ME1: variants seen among roughly 807,000 people sequenced by gnomAD.
ME1 encodes the protein NADP-dependent malic enzyme.
ME1 carries 74 observed loss-of-function variants against 66.4 expected under a neutral mutation model. The observed-to-expected ratio is 1.11, with a 90% CI of 0.92 to 1.35. The LOEUF is 1.35. ME1 is among the 40% of genes most tolerant of loss of function. The pLI is 0.00. For synonymous variants in ME1, 251 were observed against 235.6 expected, an observed-to-expected ratio of 1.07 and a Z score of -0.60; for missense variants, 750 against 694.1, an observed-to-expected ratio of 1.08 and a Z score of -0.90.
chr6:83,401,860 G>C (rs964305496), intron 2 of ME1, among the ~76,000 whole-genome samples: 2 of 152,150 alleles, frequency 1.3e-5, no homozygotes, highest in African/African-American at 4.8e-5. Flanking sequence ...CTAGCTACCT[G>C]GTGGCAAGTT....
At chr6:83,252,994 T>C (rs1790749331) in intron 7 of ME1, among the ~76,000 whole-genome samples, 1 of 152,160 alleles carries the variant, frequency 6.6e-6, no homozygotes, top group African/African-American at 2.4e-5. Context: ...TGCAATCTCA[T>C]TTCAAGTTGC....
intron 6 of ME1, among the ~76,000 whole-genome samples, chr6:83,289,869 A>G (rs1767468436): frequency 1.3e-5 from 2 of 152,276 alleles, no homozygotes; most frequent in Non-Finnish European, 2.9e-5. Flanking sequence ...GGGAGGTTGT[A>G]TGTGTCCAGG....
At chr6:83,404,473 T>G (rs1223426960) in intron 2 of ME1, among the ~76,000 whole-genome samples, 1 of 152,202 alleles carries the variant, frequency 6.6e-6, no homozygotes, top group Non-Finnish European at 1.5e-5. Flanking sequence ...CGATGATAGT[T>G]TCTTTTGCTG....
intron 3 of ME1, chr6:83,393,177 A>G (rs1769658330): frequency 8.1e-7 from 1 of 1,236,890 alleles, no homozygotes; most frequent in Non-Finnish European, 1.2e-6. Flanking sequence ...TGATGACACC[A>G]AGAAGGTGGT....
At chr6:83,245,295 A>C (rs1253053222) in intron 7 of ME1, among the ~76,000 whole-genome samples, 4 of 152,218 alleles carry the variant, frequency 2.6e-5, no homozygotes, top group Non-Finnish European at 5.9e-5. Context: ...ATGGTCATAG[A>C]CTAAAGGGAA....
intron 1 of ME1, among the ~76,000 whole-genome samples, chr6:83,420,979 A>G (rs1055630251): frequency 1.3e-5 from 2 of 151,888 alleles, no homozygotes; most frequent in African/African-American, 2.4e-5. Context: ...ATAGGCACAA[A>G]AGAAGGGGAA....
intron 5 of ME1, among the ~76,000 whole-genome samples, chr6:83,342,667 G>A (rs372156244): frequency 4.6e-5 from 7 of 152,192 alleles, no homozygotes; most frequent in East Asian, 3.9e-4. Context: ...TATTTAGGGA[G>A]TCCATCATCT....
At position 83,357,902 on chromosome 6, in the gene ME1, C is replaced by CTCTCTCTCT. The variant is rs1768921889; in HGVS notation, c.363-5764_363-5763insAGAGAGAGA. 8.6e-4 allele frequency among the ~76,000 whole-genome samples: 27 copies of CTCTCTCTCT among 31,558 alleles called. 3 individuals are homozygous for CTCTCTCTCT. Among genetic ancestry groups the CTCTCTCTCT allele is most frequent in the Admixed American group, 2.2e-3 (4 of 1,852 alleles). 20.7% of individuals were successfully genotyped at this position (31,558 alleles called of 152,430 possible). ...TGTTAGTTAATACTTAATAAACTCCCCTCTCTCTCTCTCTCTCTCTCTCTC... is the reference window on the plus strand; with the variant it reads ...TGTTAGTTAATACTTAATAAACTCCCTCTCTCTCTCTCTCTCTCTCTCTCTCTCTCTCTC... On this transcript the variant is annotated intron_variant, in intron 3 of 13. Coordinates refer to ENST00000369705, the MANE Select transcript of ME1 (RefSeq NM_002395.6).
chr6:83,385,880 T>C (rs1769494927), intron 3 of ME1, among the ~76,000 whole-genome samples: 1 of 151,886 alleles, frequency 6.6e-6, no homozygotes, highest in African/African-American at 2.4e-5. Context: ...AAATAATTAG[T>C]TTAAATTCAT....
At chr6:83,272,229 C>T (rs1390024989) in intron 6 of ME1, among the ~76,000 whole-genome samples, 3 of 151,994 alleles carry the variant, frequency 2.0e-5, no homozygotes, top group Admixed American at 6.6e-5. Flanking sequence ...AACAGGGCTA[C>T]CAAATAAACA....
At chr6:83,215,519 T>C (rs1404486304) in intron 13 of ME1, among the ~76,000 whole-genome samples, 2 of 152,220 alleles carry the variant, frequency 1.3e-5, no homozygotes, top group African/African-American at 4.8e-5. Flanking sequence ...CCCTAACCAC[T>C]AGTACCTCAG....
At chr6:83,279,966 TAA>T (rs1767258771) in intron 6 of ME1, among the ~76,000 whole-genome samples, 1 of 152,192 alleles carries the variant, frequency 6.6e-6, no homozygotes, top group Non-Finnish European at 1.5e-5. Context: ...AGTGTGGGGT[TAA>T]ATATTTCAAG....
chr6:83,237,300 G>A (rs867585891), intron 9 of ME1, among the ~76,000 whole-genome samples: 1 of 52,460 alleles, frequency 1.9e-5, no homozygotes, highest in African/African-American at 7.7e-5. Flanking sequence ...AGGAAAGAAA[G>A]AAAAAGAAAG....
chr6:83,398,215 T>G (rs1006077574), intron 3 of ME1, 152 bp downstream of exon 3: 1 of 509,110 alleles, frequency 2.0e-6, no homozygotes, highest in Non-Finnish European at 3.3e-6. Context: ...CATTTCACAA[T>G]GTATACATGT....
intron 3 of ME1, among the ~76,000 whole-genome samples, chr6:83,377,029 GA>G (rs1370685390): frequency 3.9e-5 from 6 of 152,016 alleles, no homozygotes; most frequent in Non-Finnish European, 7.4e-5. Flanking sequence ...ATTTCATACT[GA>G]AAAAGTTTAT....
At position 83,389,906 on chromosome 6, in the gene ME1, G is replaced by T. The variant is rs189815859; in HGVS notation, c.362+8461C>A. Among the ~76,000 whole-genome samples the T allele has an allele frequency of 8.9e-4, 135 of 152,148 alleles. 1 individual carries two copies. The highest frequency in any genetic ancestry group is 1.6e-3 in the Non-Finnish European group (110 of 67,982). On this transcript the variant is annotated intron_variant, in intron 3 of 13. Transcript: ENST00000369705. ...CTGGAAATTCTGCAAGAATTAAAAT[G>T]ATTTCGGCACATGGGAATAAGACAA...
chr6:83,291,638 T>C (rs1208636426), intron 6 of ME1, among the ~76,000 whole-genome samples: 1 of 152,178 alleles, frequency 6.6e-6, no homozygotes, highest in Non-Finnish European at 1.5e-5. Context: ...TGGTGTTCTC[T>C]GTATTTCCTG....
intron 6 of ME1, among the ~76,000 whole-genome samples, chr6:83,269,052 G>A (rs996794223): frequency 2.0e-5 from 3 of 152,038 alleles, no homozygotes; most frequent in Non-Finnish European, 4.4e-5. Flanking sequence ...GATTGAGTAA[G>A]CAATGACCCA....
chr6:83,365,449 G>A (rs955562717), intron 3 of ME1, among the ~76,000 whole-genome samples: 64 of 152,152 alleles, frequency 4.2e-4, no homozygotes, highest in African/African-American at 1.5e-3. Flanking sequence ...AGGGTTCCCA[G>A]CCCTTTCAAT....
Sources: gnomAD v4.1 joint callset for allele counts (sites outside exome capture counted in the v4.1 genomes callset) on GRCh38, gnomAD v4.1.1 for gene constraint, MANE v1.5 for transcripts, NCBI Gene and HGNC (gene_info 2026-07-23, HGNC 2026-07-21) for gene names.